The following CXADR variants were observed in gnomAD, a reference collection of about 807,000 sequenced individuals.
The protein encoded by CXADR is coxsackievirus and adenovirus receptor.
CXADR carries 20 observed loss-of-function variants against 40.3 expected under a neutral mutation model. That is an observed-to-expected ratio of 0.50 (90% CI 0.35 to 0.72). CXADR has a LOEUF of 0.72. Among genes scored for constraint, CXADR ranks in the 30% least tolerant of loss-of-function variants. CXADR has a pLI of 0.01. For synonymous variants in CXADR, 150 were observed against 161.3 expected (o/e 0.93, Z 0.53); for missense variants, 332 against 449.1 (o/e 0.74, Z 2.36).
chr21:17,579,370 C>T (rs1601053949), intron 7 of CXADR, among the ~76,000 whole-genome samples: 1 of 151,804 alleles, frequency 6.6e-6, no homozygotes, highest in African/African-American at 2.4e-5. Flanking sequence ...CTGCAACCTC[C>T]GTCTCCCAGG....
Position 17,565,320 on chromosome 21 carries a change from T to C in CXADR, c.834-108T>C. On this transcript the variant is annotated intron_variant, in intron 6 of 6. Transcript: ENST00000284878. ...ACACACACACACACACACACTTTTA[T>C]ATGTTTAGTACCTAAATACAGGCTC... is the stretch of plus-strand genomic sequence containing the variant. 4 of 1,176,144 alleles carry C rather than the reference T, an allele frequency of 3.4e-6. No individual in the cohort carries two copies. The South Asian group carries it at 6.1e-5, about 18-fold the overall frequency. The allele number at this position is 1,176,144 out of a possible 1,614,324, so 72.9% of individuals were successfully genotyped here.
chr21:17,587,805 CT>C (rs2123398250), intron 7 of CXADR, among the ~76,000 whole-genome samples: 1 of 152,154 alleles, frequency 6.6e-6, no homozygotes, highest in African/African-American at 2.4e-5. Flanking sequence ...ACATGAAGTC[CT>C]TGCCCATGCC....
the CXADR span, among the ~76,000 whole-genome samples, chr21:17,600,979 T>C: frequency 2.0e-5 from 3 of 152,056 alleles, no homozygotes; most frequent in Non-Finnish European, 4.4e-5. Flanking sequence ...CTGGCCAACA[T>C]GGTGAAACCC....
rs565565955 is a variant in CXADR at position 17,532,123 on chromosome 21, G to T, written c.44-14904G>T. On this transcript the variant is annotated intron_variant, in intron 1 of 6. Transcript: ENST00000284878. The stretch of plus-strand genomic sequence containing the variant: ...CTTAAAAATTTTTTTTTTAGAGATG[G>T]TGCCTTCCTATGTTGCCCAGGTTGG... Among the ~76,000 whole-genome samples the T allele has an allele frequency of 4.6e-5, 7 of 151,936 alleles. No homozygotes were observed. The East Asian group carries it at 1.2e-3, about 25-fold the overall frequency.
chr21:17,625,367 G>T, the CXADR span, among the ~76,000 whole-genome samples: 211 of 152,132 alleles, frequency 1.4e-3, 2 homozygotes, highest in Non-Finnish European at 1.8e-3. Context: ...CATAGAAAAG[G>T]AGAATTCTAA....
Position 17,567,606 on chromosome 21 carries a change from G to T in CXADR, c.*1914G>T. ...CTTAAGCAATTGTGTTATTCATAAA[G>T]GTTTAGAAATTTCAATATTCCCAAC... On this transcript the variant is annotated 3_prime_UTR_variant, in exon 7 of 7. Coordinates refer to ENST00000284878, the MANE Select transcript of CXADR (RefSeq NM_001338.5). 4 of 984,646 alleles carry T rather than the reference G, an allele frequency of 4.1e-6. No individual in the cohort carries two copies. Among genetic ancestry groups the T allele is most frequent in the Non-Finnish European group, 4.8e-6 (4 of 829,312 alleles). The allele number at this position is 984,646 out of a possible 1,614,324, so 61.0% of individuals were successfully genotyped here.
At chr21:17,582,883 T>C (rs761993315) in intron 7 of CXADR, among the ~76,000 whole-genome samples, 20 of 152,262 alleles carry the variant, frequency 1.3e-4, no homozygotes, top group Non-Finnish European at 2.9e-4. Flanking sequence ...CAATGTTGGC[T>C]GCTGGCACTG....
chr21:17,525,800 C>T (rs2060591458), intron 1 of CXADR, among the ~76,000 whole-genome samples: 1 of 152,174 alleles, frequency 6.6e-6, no homozygotes, highest in South Asian at 2.1e-4. Context: ...AGAAAGGACA[C>T]ATCATATTAT....
chr21:17,573,159 C>G (rs1475254828), downstream of CXADR, among the ~76,000 whole-genome samples: 2 of 152,042 alleles, frequency 1.3e-5, no homozygotes, highest in African/African-American at 2.4e-5. Context: ...TCTCTTCCCT[C>G]TATGCATGTC....
At chr21:17,526,775 AT>A (rs2060603210) in intron 1 of CXADR, among the ~76,000 whole-genome samples, 3 of 152,278 alleles carry the variant, frequency 2.0e-5, no homozygotes, top group Admixed American at 2.0e-4. Flanking sequence ...TTTCTTGGAT[AT>A]CTTATTTTCT....
chr21:17,580,298 A>C (rs1375793014), intron 7 of CXADR, among the ~76,000 whole-genome samples: 1 of 152,228 alleles, frequency 6.6e-6, no homozygotes, highest in Non-Finnish European at 1.5e-5. Context: ...TCTCTTGCTC[A>C]AAAGCTTTCC....
At chr21:17,604,541 C>CA in the CXADR span, among the ~76,000 whole-genome samples, 1 of 152,152 alleles carries the variant, frequency 6.6e-6, no homozygotes, top group Non-Finnish European at 1.5e-5. Context: ...AATTTGAAGA[C>CA]AGACAAGTGC....
chr21:17,544,052 GT>G (rs2060862537), intron 1 of CXADR, among the ~76,000 whole-genome samples: 1 of 152,076 alleles, frequency 6.6e-6, no homozygotes. Context: ...ACCTAAGTCA[GT>G]TTCACCATAA....
chr21:17,634,544 A>C, the CXADR span, among the ~76,000 whole-genome samples: 1 of 152,170 alleles, frequency 6.6e-6, no homozygotes, highest in Non-Finnish European at 1.5e-5. Context: ...GGTGGACTTG[A>C]ACTTGTTTTT....
At chr21:17,516,572 T>C (rs1277983868) in intron 1 of CXADR, among the ~76,000 whole-genome samples, 1 of 152,184 alleles carries the variant, frequency 6.6e-6, no homozygotes, top group Non-Finnish European at 1.5e-5. Context: ...CCAACATGAA[T>C]GGAACTAAAA....
At chr21:17,592,400 TTTTTTTAA>T (rs1404282311) in intron 7 of CXADR, among the ~76,000 whole-genome samples, 3 of 41,836 alleles carry the variant, frequency 7.2e-5, no homozygotes, top group East Asian at 8.8e-4. Context: ...AAAATTTGTA[TTTTTTTAA>T]TTTTTGAGTA....
intron 1 of CXADR, among the ~76,000 whole-genome samples, chr21:17,544,973 T>G (rs2060875929): frequency 6.6e-6 from 1 of 152,098 alleles, no homozygotes; most frequent in African/African-American, 2.4e-5. Context: ...CTCTTCATTT[T>G]GGTTTGTTCT....
chr21:17,534,100 ATTTT>A (rs1157117899), intron 1 of CXADR, among the ~76,000 whole-genome samples: 36 of 60,056 alleles, frequency 6.0e-4, no homozygotes, highest in Admixed American at 1.8e-3. Context: ...ATATATATAT[ATTTT>A]TTTTTTTTTT....
At chr21:17,560,071 A>G (rs558618838) in intron 4 of CXADR, among the ~76,000 whole-genome samples, 1 of 152,248 alleles carries the variant, frequency 6.6e-6, no homozygotes, top group Non-Finnish European at 1.5e-5. Context: ...CTAGATTGAA[A>G]ATATAGTAAT....
Sources: allele counts gnomAD v4.1 joint callset (sites outside exome capture counted in the v4.1 genomes callset), GRCh38; gene constraint gnomAD v4.1.1; transcripts MANE v1.5; gene names NCBI Gene and HGNC (gene_info 2026-07-23, HGNC 2026-07-21).